Variants in MPPED2 observed in about 807,000 individuals in gnomAD.
MPPED2 encodes the protein metallophosphoesterase domain containing 2, also known as metallophosphoesterase MPPED2.
A neutral mutation model predicts 33.0 loss-of-function variants in MPPED2; 5 were observed. The ratio of observed to expected loss-of-function variants is 0.15; its 90% CI spans 0.08 to 0.32. The LOEUF is 0.32. MPPED2 is among the 10% of genes least tolerant of loss of function. The pLI, the probability that MPPED2 is intolerant of heterozygous loss-of-function variation, is 1.00. For synonymous variants in MPPED2, 136 were observed against 141.9 expected (o/e 0.96, Z 0.29); for missense variants, 275 against 372.1 (o/e 0.74, Z 2.15).
At chr11:30,455,690 G>A (rs768557987) in intron 4 of MPPED2, among the ~76,000 whole-genome samples, 1 of 152,138 alleles carries the variant, frequency 6.6e-6, no homozygotes, top group South Asian at 2.1e-4. Flanking sequence ...CTTCATCAAC[G>A]GTGTAAATCA....
chr11:30,402,302 TA>T (rs1272931647), intron 6 of MPPED2, among the ~76,000 whole-genome samples: 3 of 152,220 alleles, frequency 2.0e-5, no homozygotes, highest in Non-Finnish European at 4.4e-5. Flanking sequence ...AATCCACAAG[TA>T]TAGCAAGAAT....
At chr11:30,477,672 T>G (rs1373933981) in intron 4 of MPPED2, among the ~76,000 whole-genome samples, 1 of 152,152 alleles carries the variant, frequency 6.6e-6, no homozygotes, top group Non-Finnish European at 1.5e-5. Flanking sequence ...CTGTAATTTT[T>G]TTGGTAACAC....
chr11:30,533,831 C>T (rs1324271933), intron 3 of MPPED2, among the ~76,000 whole-genome samples: 3 of 152,210 alleles, frequency 2.0e-5, no homozygotes, highest in African/African-American at 7.2e-5. Context: ...CATTTTATTT[C>T]CTTATCATTG....
intron 3 of MPPED2, among the ~76,000 whole-genome samples, chr11:30,502,448 G>T (rs530635540): frequency 6.6e-6 from 1 of 152,260 alleles, no homozygotes; most frequent in Admixed American, 6.5e-5. Context: ...TCAGCCTCAT[G>T]CTGTAACAAT....
At chr11:30,585,340 G>C (rs1016445664) in intron 1 of MPPED2, among the ~76,000 whole-genome samples, 1 of 152,008 alleles carries the variant, frequency 6.6e-6, no homozygotes, top group Admixed American at 6.5e-5. Context: ...AGGTTGGGGC[G>C]CGGGGACGGG....
intron 2 of MPPED2, among the ~76,000 whole-genome samples, chr11:30,546,486 C>T (rs531792082): frequency 3.3e-5 from 5 of 152,268 alleles, no homozygotes; most frequent in South Asian, 2.1e-4. Context: ...TCCTTTCCAA[C>T]TCATCAAAGC....
intron 3 of MPPED2, among the ~76,000 whole-genome samples, chr11:30,508,315 T>C (rs898041260): frequency 6.6e-6 from 1 of 152,214 alleles, no homozygotes; most frequent in Non-Finnish European, 1.5e-5. Flanking sequence ...TTCCTAGACA[T>C]GTGAAGTCAG....
intron 4 of MPPED2, among the ~76,000 whole-genome samples, chr11:30,494,783 A>G (rs1306408983): frequency 6.6e-6 from 1 of 150,640 alleles, no homozygotes; most frequent in Non-Finnish European, 1.5e-5. Context: ...GAAAGAAAAG[A>G]GAAGAAAAGA....
At chr11:30,449,256 G>A (rs191366830) in intron 4 of MPPED2, among the ~76,000 whole-genome samples, 19 of 152,290 alleles carry the variant, frequency 1.2e-4, no homozygotes, top group East Asian at 5.8e-4. Context: ...AAATGTTAAA[G>A]TTCTGCTGTG....
Position 30,495,092 on chromosome 11 carries a change from T to C in MPPED2, c.536+204A>G, listed in dbSNP as rs962140852. The C allele has an allele frequency of 8.7e-6, 5 of 573,876 alleles. No homozygotes were observed. The African/African-American group carries it at 9.4e-5, about 11-fold the overall frequency. The allele number at this position is 573,876 out of a possible 1,614,324, so 35.5% of individuals were successfully genotyped here. Reference sequence around the variant, plus strand: ...TATCTAGGAAAGCTTTAACTCCTATTGATCTTGCCTAAAGGGATCTCTATC... The same window carrying C: ...TATCTAGGAAAGCTTTAACTCCTATCGATCTTGCCTAAAGGGATCTCTATC... On this transcript the variant is annotated intron_variant, in intron 4 of 6. Coordinates refer to ENST00000358117, the MANE Select transcript of MPPED2 (RefSeq NM_001584.3).
intron 2 of MPPED2, among the ~76,000 whole-genome samples, chr11:30,561,081 G>A (rs182618724): frequency 6.6e-6 from 1 of 152,126 alleles, no homozygotes; most frequent in South Asian, 2.1e-4. Flanking sequence ...TAGCCAAAAG[G>A]AGTGTTCTGC....
intron 4 of MPPED2, among the ~76,000 whole-genome samples, chr11:30,484,455 G>C (rs1951631042): frequency 6.6e-6 from 1 of 151,908 alleles, no homozygotes; most frequent in Non-Finnish European, 1.5e-5. Context: ...ATGCAGATTT[G>C]TAGCTCACCT....
chr11:30,397,494 T>C (rs1947853147), intron 6 of MPPED2, among the ~76,000 whole-genome samples: 1 of 152,152 alleles, frequency 6.6e-6, no homozygotes, highest in South Asian at 2.1e-4. Context: ...AACATTGACT[T>C]AACTGTTTCA....
intron 2 of MPPED2, 95 bp from the exon 3 acceptor site, chr11:30,536,270 A>AC: frequency 9.0e-7 from 1 of 1,105,574 alleles, no homozygotes; most frequent in African/African-American, 1.6e-5. Context: ...TCGTGAATGC[A>AC]CCCAGACAAA....
intron 3 of MPPED2, among the ~76,000 whole-genome samples, chr11:30,497,141 A>G (rs1033846532): frequency 1.3e-5 from 2 of 152,174 alleles, no homozygotes; most frequent in African/African-American, 4.8e-5. Flanking sequence ...AAAGAATAGG[A>G]AGCCTCCCTC....
chr11:30,537,226 C>CT (rs1159063883), intron 2 of MPPED2, among the ~76,000 whole-genome samples: 1 of 152,140 alleles, frequency 6.6e-6, no homozygotes, highest in African/African-American at 2.4e-5. Context: ...TGACAGCCTC[C>CT]TTTAATTTCT....
chr11:30,503,649 G>A (rs1952672830), intron 3 of MPPED2, among the ~76,000 whole-genome samples: 1 of 152,150 alleles, frequency 6.6e-6, no homozygotes, highest in Non-Finnish European at 1.5e-5. Flanking sequence ...AACATGGCTT[G>A]TCATTTTCCT....
intron 2 of MPPED2, among the ~76,000 whole-genome samples, chr11:30,545,608 C>T (rs1387542267): frequency 6.6e-6 from 1 of 152,114 alleles, no homozygotes; most frequent in Non-Finnish European, 1.5e-5. Flanking sequence ...GTACAGGGCA[C>T]TTTACATGGA....
intron 3 of MPPED2, among the ~76,000 whole-genome samples, chr11:30,501,228 C>T (rs1050894267): frequency 6.6e-6 from 1 of 152,090 alleles, no homozygotes; most frequent in African/African-American, 2.4e-5. Flanking sequence ...TTGGTTTATC[C>T]ACAAATTGGA....
Sources: allele counts gnomAD v4.1 joint callset (sites outside exome capture counted in the v4.1 genomes callset), GRCh38; gene constraint gnomAD v4.1.1; transcripts MANE v1.5; gene names NCBI Gene and HGNC (gene_info 2026-07-23, HGNC 2026-07-21).